The following SPEN variants were observed in gnomAD, a reference collection of about 807,000 sequenced individuals.
The protein encoded by SPEN is spen family transcriptional repressor, also known as msx2-interacting protein.
A neutral mutation model predicts 269.9 loss-of-function variants in SPEN; 18 were observed. The ratio of observed to expected loss-of-function variants is 0.07; its 90% CI spans 0.05 to 0.10. The LOEUF is 0.10. Ranked by LOEUF, SPEN falls within the 10% of genes least tolerant of loss-of-function variation. The probability of loss-of-function intolerance (pLI) is 1.00; values close to 1 mark genes in which losing one functional copy is unlikely to be tolerated. For synonymous variants in SPEN, 1,726 were observed against 1,765.7 expected, an observed-to-expected ratio of 0.98 and a Z score of 0.56; for missense variants, 3,822 against 4,631.2, an observed-to-expected ratio of 0.83 and a Z score of 5.07.
rs1557739161 is a variant in SPEN, at chr1:15,874,196, ACTTG to A, written c.404+1064_404+1067del. ...TGAGAGTTACAGTTTGTCTGGGACTACTTGCTTCCAGTGGAATTATTTTGTCTGG... is the reference window on the plus strand; with the variant it reads ...TGAGAGTTACAGTTTGTCTGGGACTACTTCCAGTGGAATTATTTTGTCTGG... On this transcript the variant is annotated intron_variant, in intron 2 of 14. Transcript: ENST00000375759. 2.2e-6 allele frequency: 3 copies of A among 1,366,444 alleles called. No individual in the cohort carries two copies. The African/African-American group carries it at 4.4e-5, about 20-fold the overall frequency. The allele number at this position is 1,366,444 out of a possible 1,614,324, so 84.6% of individuals were successfully genotyped here.
In SPEN at chr1:15,908,547, C is replaced by T. The variant is rs566664487; in HGVS notation, c.882-774C>T. Among the ~76,000 whole-genome samples the T allele has an allele frequency of 4.9e-4, 75 of 152,080 alleles. 1 individual carries two copies. The highest frequency in any genetic ancestry group is 1.2e-3 in the South Asian group (6 of 4,824). On this transcript the variant is annotated intron_variant, in intron 3 of 14. Transcript: ENST00000375759. Reference sequence around the variant, plus strand: ...ACGCCATTCTCCTGCCTCAGCCTCCCGAGTGGCTGGGACTGCAGGCGCACG... The same window carrying T: ...ACGCCATTCTCCTGCCTCAGCCTCCTGAGTGGCTGGGACTGCAGGCGCACG...
chr1:15,859,353 C>CTT (rs1272953375), intron 1 of SPEN, among the ~76,000 whole-genome samples: 28 of 105,228 alleles, frequency 2.7e-4, no homozygotes, highest in African/African-American at 9.7e-4. Flanking sequence ...TTTTCTTTTT[C>CTT]TTTTCTTTTT....
chr1:15,919,960 T>A (rs1452956284), intron 8 of SPEN, among the ~76,000 whole-genome samples: 1 of 152,168 alleles, frequency 6.6e-6, no homozygotes, highest in Non-Finnish European at 1.5e-5. Context: ...GAAAAGGGTC[T>A]CCAGACCCAA....
In SPEN at chr1:15,909,386, C is replaced by A; in HGVS notation, c.947C>A (p.Pro316His). ...CGATCAGTTCAGTCTGCAGCAGTCC[C>A]TGCACCCACTTCCCAGTTGCTTTCA... is the stretch of plus-strand genomic sequence containing the variant. ...PARSVQSAAV[P>H]APTSQLLSSL... The change falls in exon 4 of 15, where the codon CCT becomes CAT. Residue 316 changes from proline (P) to histidine (H), a missense_variant. Transcript: ENST00000375759. 6.2e-7 allele frequency: 1 copy of A among 1,614,188 alleles called. No homozygotes were observed. The highest frequency in any genetic ancestry group is 8.5e-7 in the Non-Finnish European group (1 of 1,180,030).
intron 3 of SPEN, among the ~76,000 whole-genome samples, chr1:15,901,211 C>A (rs1014228839): frequency 2.0e-5 from 3 of 149,468 alleles, no homozygotes; most frequent in African/African-American, 4.9e-5. Context: ...GGTGTAGGGG[C>A]GGCTGAGGCA....
In SPEN at chr1:15,848,217, C is replaced by T. The variant is rs1026772688; in HGVS notation, c.83+67C>T. 8 of 1,179,298 alleles carry T rather than the reference C, an allele frequency of 6.8e-6. No individual in the cohort carries two copies. In the South Asian group the frequency reaches 1.2e-4, roughly 17 times the overall value. 73.1% of individuals were successfully genotyped at this position (1,179,298 alleles called of 1,614,324 possible). On this transcript the variant is annotated intron_variant, in intron 1 of 14. Coordinates refer to ENST00000375759, the MANE Select transcript of SPEN (RefSeq NM_015001.3). This position sits in a 1 kb window ranked among gnomAD's most constrained non-coding sequence, Gnocchi z 5.1. The stretch of plus-strand genomic sequence containing the variant: ...GCCGCTTCCCGCCCCGGCCCGTTGC[C>T]GGCCCCTCCCGGAGCGCGGAGCTGG...
At chr1:15,905,884 T>C (rs1185844741) in intron 3 of SPEN, among the ~76,000 whole-genome samples, 1 of 152,240 alleles carries the variant, frequency 6.6e-6, no homozygotes, top group East Asian at 1.9e-4. Context: ...TTGTTAATGA[T>C]TTCAATAGCC....
chr1:15,855,018 T>C (rs1010860154), intron 1 of SPEN, among the ~76,000 whole-genome samples: 1 of 152,226 alleles, frequency 6.6e-6, no homozygotes, highest in African/African-American at 2.4e-5. Flanking sequence ...TAATTACTTA[T>C]GATTTCATTT....
intron 4 of SPEN, among the ~76,000 whole-genome samples, chr1:15,910,716 T>C (rs1412444576): frequency 6.6e-6 from 1 of 152,072 alleles, no homozygotes; most frequent in East Asian, 1.9e-4. Flanking sequence ...ATCTATAATA[T>C]ATAAGGGCAT....
At chr1:15,873,766 A>T (rs1311563101) in intron 2 of SPEN, 2 of 1,019,968 alleles carry the variant, frequency 2.0e-6, no homozygotes, top group Admixed American at 5.1e-5. Flanking sequence ...ACACTCTTTG[A>T]TGGAATGGGG....
chr1:15,906,875 C>T (rs150219957), intron 3 of SPEN, among the ~76,000 whole-genome samples: 42 of 149,204 alleles, frequency 2.8e-4, no homozygotes, highest in African/African-American at 9.1e-4. Flanking sequence ...CTCCTAGGCT[C>T]GTGATCCTCT....
Position 15,867,846 on chromosome 1 carries a change from T to C in SPEN, c.84-4970T>C, listed in dbSNP as rs1288003340. ...TGTTTATTGGCCATTTATGTATCTC[T>C]CTCTGTATCCGTATATGTGCTCTGC... On this transcript the variant is annotated intron_variant, in intron 1 of 14. Coordinates refer to ENST00000375759, the MANE Select transcript of SPEN (RefSeq NM_015001.3). Among the ~76,000 whole-genome samples the C allele has an allele frequency of 3.9e-5, 6 of 152,136 alleles. No individual in the cohort carries two copies. The East Asian group carries it at 1.2e-3, about 29-fold the overall frequency.
chr1:15,908,438 T>C lies in SPEN; in HGVS notation c.882-883T>C, dbSNP rs552634110. 3.9e-5 allele frequency among the ~76,000 whole-genome samples: 6 copies of C among 152,092 alleles called. No individual in the cohort carries two copies. The South Asian group carries it at 1.2e-3, about 32-fold the overall frequency. On this transcript the variant is annotated intron_variant, in intron 3 of 14. Transcript: ENST00000375759. ...GCGTTTCTTTAATTCTTTTTTTTTT[T>C]CTAAGATGGAGTCTTGCTCTGTCAC...
chr1:15,901,262 C>T (rs2070896293), intron 3 of SPEN, among the ~76,000 whole-genome samples: 1 of 150,486 alleles, frequency 6.6e-6, no homozygotes, highest in East Asian at 1.9e-4. Context: ...TTTCAGTGAG[C>T]CAAGATTGCG....
At chr1:15,915,515 ATATC>A (rs1352055162) in intron 5 of SPEN, among the ~76,000 whole-genome samples, 5 of 152,046 alleles carry the variant, frequency 3.3e-5, no homozygotes, top group African/African-American at 7.2e-5. Context: ...CTTAGCAAAG[ATATC>A]TATCTATTTT....
chr1:15,893,339 G>A (rs575023105), intron 3 of SPEN, among the ~76,000 whole-genome samples: 5 of 152,254 alleles, frequency 3.3e-5, no homozygotes, highest in African/African-American at 1.2e-4. Context: ...ATGGTGGTAG[G>A]GAGGGGCAGA....
At chr1:15,924,845 T>G (rs2071151642) in intron 10 of SPEN, among the ~76,000 whole-genome samples, 1 of 152,220 alleles carries the variant, frequency 6.6e-6, no homozygotes, top group South Asian at 2.1e-4. Context: ...CCCTCTCAAA[T>G]GGCAGTTATC....
At chr1:15,868,215 G>C (rs1449179600) in intron 1 of SPEN, among the ~76,000 whole-genome samples, 1 of 151,216 alleles carries the variant, frequency 6.6e-6, no homozygotes, top group Non-Finnish European at 1.5e-5. Flanking sequence ...GCTGTGTTGT[G>C]TAGGTGGGTC....
At chr1:15,850,031 G>C (rs991586135) in intron 1 of SPEN, among the ~76,000 whole-genome samples, 3 of 152,206 alleles carry the variant, frequency 2.0e-5, no homozygotes, top group African/African-American at 4.8e-5. Flanking sequence ...TGCAAGATGA[G>C]GGGGCAGAGA....
Sources: gnomAD v4.1 joint callset for allele counts (sites outside exome capture counted in the v4.1 genomes callset) on GRCh38, gnomAD v4.1.1 for gene constraint, Gnocchi (gnomAD v3.1) non-coding constraint, MANE v1.5 for transcripts, NCBI Gene and HGNC (gene_info 2026-07-23, HGNC 2026-07-21) for gene names.